The following LOC122539214 variants were observed in gnomAD, a reference collection of about 807,000 sequenced individuals.
the LOC122539214 span, among the ~76,000 whole-genome samples, chr19:52,676,239 TC>T: frequency 6.6e-6 from 1 of 152,178 alleles, no homozygotes; most frequent in Non-Finnish European, 1.5e-5. Context: ...AGCCTCGGCC[TC>T]CCGAGGTGCC....
the LOC122539214 span, among the ~76,000 whole-genome samples, chr19:52,664,763 A>AG: frequency 6.7e-4 from 7 of 10,476 alleles, no homozygotes; most frequent in Admixed American, 7.8e-3. Context: ...TGGGGGGGTG[A>AG]GGGGGGAAGA....
chr19:52,683,613 T>C, the LOC122539214 span, among the ~76,000 whole-genome samples: 1 of 151,938 alleles, frequency 6.6e-6, no homozygotes, highest in African/African-American at 2.4e-5. Context: ...AGTGAGGCAG[T>C]TCACACAGAT....
At chr19:52,660,053 TG>T in the LOC122539214 span, among the ~76,000 whole-genome samples, 1 of 151,826 alleles carries the variant, frequency 6.6e-6, no homozygotes, top group African/African-American at 2.4e-5. Context: ...TAGCGGGGTG[TG>T]GTGGTGTGCG....
chr19:52,651,314 C>A, the LOC122539214 span: 1 of 152,204 alleles, frequency 6.6e-6, no homozygotes, highest in African/African-American at 2.4e-5. Flanking sequence ...GATTCTCACT[C>A]TGGGTGAAAA....
chr19:52,683,009 T>TGC, the LOC122539214 span, among the ~76,000 whole-genome samples: 2 of 152,164 alleles, frequency 1.3e-5, no homozygotes, highest in Non-Finnish European at 2.9e-5. Flanking sequence ...TAGCTGAGAT[T>TGC]ATAGGCATGT....
chr19:52,662,986 A>C, the LOC122539214 span, among the ~76,000 whole-genome samples: 1 of 151,982 alleles, frequency 6.6e-6, no homozygotes, highest in East Asian at 1.9e-4. Context: ...AACACGGTGA[A>C]ATCCCGTCTC....
At chr19:52,688,381 G>A in the LOC122539214 span, among the ~76,000 whole-genome samples, 1 of 148,956 alleles carries the variant, frequency 6.7e-6, no homozygotes, top group Non-Finnish European at 1.5e-5. Flanking sequence ...ACTATGTTGT[G>A]CAGGCTGGTC....
the LOC122539214 span, among the ~76,000 whole-genome samples, chr19:52,669,719 A>T: frequency 6.6e-6 from 1 of 152,316 alleles, no homozygotes; most frequent in African/African-American, 2.4e-5. Flanking sequence ...GGAAAAGAAT[A>T]GTAGCCTCAA....
At chr19:52,681,303 C>CAAAAAAAAAAAAAAAAAAAAAAA in the LOC122539214 span, among the ~76,000 whole-genome samples, 9 of 78,314 alleles carry the variant, frequency 1.1e-4, no homozygotes, top group Non-Finnish European at 1.7e-4. Flanking sequence ...AAAAAAAAAG[C>CAAAAAAAAAAAAAAAAAAAAAAA]AAACGAACAT....
the LOC122539214 span, among the ~76,000 whole-genome samples, chr19:52,688,600 CCTG>C: frequency 6.6e-6 from 1 of 151,942 alleles, no homozygotes; most frequent in Non-Finnish European, 1.5e-5. Context: ...TCTCTCCTCT[CCTG>C]CTGTTTATCC....
At chr19:52,657,246 C>G in the LOC122539214 span, among the ~76,000 whole-genome samples, 3 of 152,146 alleles carry the variant, frequency 2.0e-5, no homozygotes, top group South Asian at 6.2e-4. Context: ...CAGAAACTCT[C>G]GGGCTAAAAA....
the LOC122539214 span, among the ~76,000 whole-genome samples, chr19:52,656,090 C>G: frequency 6.6e-6 from 1 of 151,940 alleles, no homozygotes. Context: ...GTGCATGCCT[C>G]TAGTCCCAGC....
the LOC122539214 span, among the ~76,000 whole-genome samples, chr19:52,680,992 AG>A: frequency 1.3e-5 from 2 of 151,988 alleles, no homozygotes; most frequent in Non-Finnish European, 2.9e-5. Context: ...ACAAATAAAA[AG>A]GAAACACAGG....
At chr19:52,690,282 G>A in the LOC122539214 span, among the ~76,000 whole-genome samples, 1 of 151,938 alleles carries the variant, frequency 6.6e-6, no homozygotes, top group Non-Finnish European at 1.5e-5. Context: ...GGCGACTTTA[G>A]ACCCAAAAGG....
the LOC122539214 span, among the ~76,000 whole-genome samples, chr19:52,677,306 T>TAAAAAAAA: frequency 5.6e-5 from 6 of 106,444 alleles, no homozygotes; most frequent in Non-Finnish European, 9.8e-5. Context: ...AATTGAGAAG[T>TAAAAAAAA]AAAAAAAAAA....
chr19:52,658,638 C>G, the LOC122539214 span, among the ~76,000 whole-genome samples: 2 of 152,086 alleles, frequency 1.3e-5, no homozygotes, highest in African/African-American at 4.8e-5. Flanking sequence ...TTTGGAAGGC[C>G]GAAAGGTTAT....
the LOC122539214 span, among the ~76,000 whole-genome samples, chr19:52,679,439 C>T: frequency 2.0e-5 from 3 of 151,952 alleles, no homozygotes; most frequent in African/African-American, 7.3e-5. Context: ...GATGAAACTC[C>T]GACTCTACTA....
the LOC122539214 span, among the ~76,000 whole-genome samples, chr19:52,676,900 T>C: frequency 1.5e-5 from 2 of 136,380 alleles, no homozygotes; most frequent in Admixed American, 1.5e-4. Flanking sequence ...GTGCAAGATG[T>C]GCTTTGTTAA....
At chr19:52,671,950 T>C in the LOC122539214 span, among the ~76,000 whole-genome samples, 2 of 152,124 alleles carry the variant, frequency 1.3e-5, no homozygotes, top group African/African-American at 4.8e-5. Flanking sequence ...GTTATAAAAT[T>C]GGCTGGGCAC....
Sources: allele counts gnomAD v4.1 joint callset (sites outside exome capture counted in the v4.1 genomes callset), GRCh38; gene constraint gnomAD v4.1.1; transcripts MANE v1.5.